LRRC4C: variants seen among roughly 807,000 people sequenced by gnomAD.
LRRC4C encodes the protein leucine rich repeat containing 4C.
In LRRC4C, 5 loss-of-function variants were observed where a neutral mutation model predicts 33.6. The ratio of observed to expected loss-of-function variants is 0.15; its 90% confidence interval spans 0.08 to 0.31. The LOEUF (loss-of-function observed/expected upper bound fraction) is 0.31. Among genes scored for constraint, LRRC4C ranks in the 10% least tolerant of loss-of-function variants. The pLI is 1.00. For synonymous variants in LRRC4C, 329 were observed against 302.0 expected, an observed-to-expected ratio of 1.09 and a Z score of -0.93; for missense variants, 560 against 796.7, an observed-to-expected ratio of 0.70 and a Z score of 3.58.
intron 1 of LRRC4C, among the ~76,000 whole-genome samples, chr11:41,276,327 G>A (rs1028318554): frequency 2.0e-5 from 3 of 151,438 alleles, no homozygotes; most frequent in Non-Finnish European, 3.0e-5. Context: ...CAGCCAGCCT[G>A]TGTTTTAGCT....
chr11:41,104,954 C>T (rs976450159), intron 1 of LRRC4C, among the ~76,000 whole-genome samples: 3 of 151,594 alleles, frequency 2.0e-5, no homozygotes, highest in Admixed American at 2.0e-4. Context: ...GCAGTGACTG[C>T]AAATGGGTAA....
chr11:40,293,395 T>C (rs1194154913), intron 4 of LRRC4C: 2 of 151,190 alleles, frequency 1.3e-5, no homozygotes, highest in Non-Finnish European at 2.9e-5. Context: ...AACTCCGCGG[T>C]CGGGGCCGGG....
chr11:40,769,860 T>G (rs1287477936), intron 2 of LRRC4C, among the ~76,000 whole-genome samples: 1 of 152,152 alleles, frequency 6.6e-6, no homozygotes, highest in Non-Finnish European at 1.5e-5. Context: ...ATCTAAGATC[T>G]CAAACTATGA....
chr11:41,392,618 TA>T (rs1953648481), intron 1 of LRRC4C, among the ~76,000 whole-genome samples: 2 of 151,416 alleles, frequency 1.3e-5, no homozygotes, highest in African/African-American at 4.8e-5. Context: ...TTGGGAATAA[TA>T]TCTTTGTAGA....
chr11:41,000,196 T>TA (rs1854277171), intron 1 of LRRC4C, among the ~76,000 whole-genome samples: 1 of 152,196 alleles, frequency 6.6e-6, no homozygotes, highest in South Asian at 2.1e-4. Flanking sequence ...AGATTCTAAT[T>TA]AATAAGTGGG....
At chr11:40,874,051 C>A (rs1364811098) in intron 2 of LRRC4C, among the ~76,000 whole-genome samples, 1 of 152,006 alleles carries the variant, frequency 6.6e-6, no homozygotes, top group Non-Finnish European at 1.5e-5. Flanking sequence ...ATACACAGGC[C>A]AAGTGGCCAT....
At chr11:41,004,873 C>T (rs1436011698) in intron 1 of LRRC4C, among the ~76,000 whole-genome samples, 1 of 152,084 alleles carries the variant, frequency 6.6e-6, no homozygotes, top group African/African-American at 2.4e-5. Flanking sequence ...AATCACGTGG[C>T]ATTTTAACCA....
chr11:41,425,316 T>C (rs765521861), intron 1 of LRRC4C, among the ~76,000 whole-genome samples: 3 of 152,058 alleles, frequency 2.0e-5, no homozygotes, highest in Non-Finnish European at 2.9e-5. Context: ...AGGGCCAAAA[T>C]CAAATTGGTC....
chr11:40,128,283 A>T (rs7950757), intron 6 of LRRC4C, among the ~76,000 whole-genome samples: 20,102 of 152,252 alleles, frequency 0.13, 1,515 homozygotes, highest in Middle Eastern at 0.17. Context: ...GACCAGTTGC[A>T]CAAGGCAAAA....
Position 41,339,664 on chromosome 11 carries a change from C to T in LRRC4C, c.-496+119767G>A, listed in dbSNP as rs184494951. 2.6e-5 allele frequency among the ~76,000 whole-genome samples: 4 copies of T among 152,244 alleles called. 1 individual carries two copies. Among genetic ancestry groups the T allele is most frequent in the South Asian group, 4.1e-4 (2 of 4,830 alleles). On this transcript the variant is annotated intron_variant, in intron 1 of 6. Coordinates refer to ENST00000528697, the MANE Select transcript of LRRC4C (RefSeq NM_001258419.2). ...TCAAACGCATTTAAAAAAATTACAT[C>T]CAATTTATTTTTTAAGCAATACATG...
chr11:40,669,414 C>T (rs1016152057), intron 2 of LRRC4C, among the ~76,000 whole-genome samples: 1 of 152,186 alleles, frequency 6.6e-6, no homozygotes, highest in Non-Finnish European at 1.5e-5. Context: ...GATTTCAGGC[C>T]ATGAGACCTG....
intron 1 of LRRC4C, among the ~76,000 whole-genome samples, chr11:41,444,111 A>G (rs1045924661): frequency 6.6e-6 from 1 of 152,186 alleles, no homozygotes; most frequent in African/African-American, 2.4e-5. Flanking sequence ...AATATTTATA[A>G]AAACAGACAA....
intron 1 of LRRC4C, among the ~76,000 whole-genome samples, chr11:41,201,441 T>A (rs1946394918): frequency 6.6e-6 from 1 of 152,216 alleles, no homozygotes; most frequent in Non-Finnish European, 1.5e-5. Context: ...TTGGTCCTGG[T>A]AGCTCTAATT....
intron 3 of LRRC4C, among the ~76,000 whole-genome samples, chr11:40,474,018 C>A (rs772404935): frequency 6.6e-6 from 1 of 152,252 alleles, no homozygotes; most frequent in Middle Eastern, 3.4e-3. Context: ...ATGAAAATGG[C>A]CATACTTCCC....
chr11:41,366,661 A>G (rs1952556671), intron 1 of LRRC4C, among the ~76,000 whole-genome samples: 1 of 152,158 alleles, frequency 6.6e-6, no homozygotes, highest in Non-Finnish European at 1.5e-5. Flanking sequence ...ATTAGTAGAT[A>G]AGGTCTTTAA....
intron 1 of LRRC4C, among the ~76,000 whole-genome samples, chr11:41,030,328 T>C (rs1364058086): frequency 2.0e-5 from 3 of 151,672 alleles, no homozygotes; most frequent in Non-Finnish European, 2.9e-5. Context: ...AGGGAGAAAA[T>C]AGGTGAGTAA....
At chr11:40,988,945 C>G (rs2137213977) in intron 1 of LRRC4C, among the ~76,000 whole-genome samples, 1 of 152,044 alleles carries the variant, frequency 6.6e-6, no homozygotes, top group East Asian at 1.9e-4. Context: ...TGGTCGCGAT[C>G]TCCTGACCTG....
intron 3 of LRRC4C, among the ~76,000 whole-genome samples, chr11:40,360,100 T>A (rs1947878405): frequency 6.6e-6 from 1 of 152,040 alleles, no homozygotes; most frequent in African/African-American, 2.4e-5. Flanking sequence ...GTGAAGAAAC[T>A]ATATGAAAAA....
chr11:40,612,413 A>G (rs2135893322), intron 3 of LRRC4C, among the ~76,000 whole-genome samples: 1 of 151,942 alleles, frequency 6.6e-6, no homozygotes, highest in Admixed American at 6.6e-5. Context: ...GGTATTGTTC[A>G]ATGGGTACAG....
Sources: allele counts gnomAD v4.1 joint callset (sites outside exome capture counted in the v4.1 genomes callset), GRCh38; gene constraint gnomAD v4.1.1; transcripts MANE v1.5; gene names NCBI Gene and HGNC (gene_info 2026-07-23, HGNC 2026-07-21).